The following GRIA4 variants were observed in gnomAD, a reference collection of about 807,000 sequenced individuals.
GRIA4 encodes the protein glutamate ionotropic receptor AMPA type subunit 4.
In GRIA4, 34 loss-of-function variants were observed where a neutral mutation model predicts 104.0. That is an observed-to-expected ratio of 0.33 (90% CI 0.25 to 0.44). The LOEUF (loss-of-function observed/expected upper bound fraction) is 0.44. Among genes scored for constraint, GRIA4 ranks in the 20% least tolerant of loss-of-function variants. The pLI is 1.00. For missense variants in GRIA4, 750 were observed against 1,096.5 expected (o/e 0.68, Z 4.46); for synonymous variants, 386 against 381.9 (o/e 1.01, Z -0.13).
intron 3 of GRIA4, among the ~76,000 whole-genome samples, chr11:105,685,163 AAGGG>A (rs1161569330): frequency 1.8e-3 from 232 of 132,190 alleles, no homozygotes; most frequent in Middle Eastern, 3.7e-3. Context: ...GGGAGGAAGG[AAGGG>A]AGGGAGGGAG....
chr11:105,956,122 T>TA (rs1349979477), intron 14 of GRIA4, among the ~76,000 whole-genome samples: 1 of 151,716 alleles, frequency 6.6e-6, no homozygotes, highest in African/African-American at 2.4e-5. Flanking sequence ...ACTCTTTTTT[T>TA]ATATACATAC....
intron 3 of GRIA4, among the ~76,000 whole-genome samples, chr11:105,684,091 C>T (rs1565461366): frequency 2.6e-5 from 4 of 152,046 alleles, no homozygotes; most frequent in African/African-American, 7.2e-5. Context: ...TTAGGCTGGT[C>T]TCAAACCTCT....
intron 4 of GRIA4, among the ~76,000 whole-genome samples, chr11:105,771,496 A>G (rs1486612994): frequency 6.6e-6 from 1 of 152,056 alleles, no homozygotes; most frequent in Non-Finnish European, 1.5e-5. Context: ...CTGTCTCTAT[A>G]TGAGATCATG....
At chr11:105,646,087 A>G (rs1951519248) in intron 3 of GRIA4, among the ~76,000 whole-genome samples, 1 of 152,176 alleles carries the variant, frequency 6.6e-6, no homozygotes, top group Admixed American at 6.6e-5. Flanking sequence ...ATTGAGGGAA[A>G]CCCATATTAG....
intron 3 of GRIA4, among the ~76,000 whole-genome samples, chr11:105,658,819 AT>A (rs1733327597): frequency 1.3e-5 from 2 of 151,774 alleles, no homozygotes; most frequent in African/African-American, 4.8e-5. Flanking sequence ...TGAACTAATA[AT>A]TTTTTTCTTA....
intron 4 of GRIA4, among the ~76,000 whole-genome samples, chr11:105,823,631 T>C (rs1322735414): frequency 6.6e-6 from 1 of 152,112 alleles, no homozygotes; most frequent in Non-Finnish European, 1.5e-5. Context: ...TTTCTAAGTC[T>C]TGGCATAATG....
intron 16 of GRIA4, chr11:105,974,967 G>A (rs1858902430): frequency 1.2e-5 from 2 of 166,588 alleles, no homozygotes; most frequent in African/African-American, 4.8e-5. Flanking sequence ...CCAGACTGTT[G>A]CCTATTTTTG....
At chr11:105,877,088 C>T (rs528869519) in intron 5 of GRIA4, among the ~76,000 whole-genome samples, 183 of 152,056 alleles carry the variant, frequency 1.2e-3, no homozygotes, top group African/African-American at 4.2e-3. Context: ...TTCAGCAGCT[C>T]TTGTAAGGCA....
At chr11:105,734,645 A>G (rs1243107587) in intron 3 of GRIA4, among the ~76,000 whole-genome samples, 1 of 152,122 alleles carries the variant, frequency 6.6e-6, no homozygotes, top group African/African-American at 2.4e-5. Flanking sequence ...CTTCAGCCTT[A>G]TCACTCACCA....
At chr11:105,909,396 T>A (rs1390036199) in intron 9 of GRIA4, among the ~76,000 whole-genome samples, 3 of 152,162 alleles carry the variant, frequency 2.0e-5, no homozygotes, top group Non-Finnish European at 2.9e-5. Context: ...AAGAAGTTTG[T>A]CACGCATTAA....
chr11:105,907,298 T>C (rs1947074106), intron 9 of GRIA4, among the ~76,000 whole-genome samples: 1 of 152,170 alleles, frequency 6.6e-6, no homozygotes, highest in Non-Finnish European at 1.5e-5. Context: ...ATATGAAGTA[T>C]AAAATGGTGT....
chr11:105,702,385 A>T (rs1953528087), intron 3 of GRIA4, among the ~76,000 whole-genome samples: 1 of 152,122 alleles, frequency 6.6e-6, no homozygotes, highest in East Asian at 1.9e-4. Flanking sequence ...TGGTAAATAT[A>T]AGTGTATGAA....
chr11:105,736,049 T>C (rs375387277), intron 3 of GRIA4, among the ~76,000 whole-genome samples: 210 of 152,324 alleles, frequency 1.4e-3, no homozygotes, highest in African/African-American at 4.7e-3. Flanking sequence ...ATAAATGTTT[T>C]AATTGGTGGC....
At chr11:105,890,714 C>T (rs1468990785) in intron 6 of GRIA4, among the ~76,000 whole-genome samples, 2 of 152,178 alleles carry the variant, frequency 1.3e-5, no homozygotes, top group African/African-American at 4.8e-5. Context: ...AGAGGAGCCA[C>T]AGGGAGCTAA....
intron 5 of GRIA4, among the ~76,000 whole-genome samples, chr11:105,883,166 G>A (rs75106401): frequency 0.091 from 13,758 of 151,774 alleles, 678 homozygotes; most frequent in Non-Finnish European, 0.12. Flanking sequence ...TCTTAAACAC[G>A]TTATTTTGGT....
At position 105,949,552 on chromosome 11, in the gene GRIA4, G is replaced by T. The variant is rs188128972; in HGVS notation, c.2294+15583G>T. ...AATGTATGACTCAAAGGAAATATGA[G>T]TACTCAGATACTAGATCTTATTATT... On this transcript the variant is annotated intron_variant, in intron 14 of 16. Transcript: ENST00000282499. Among the ~76,000 whole-genome samples the T allele has an allele frequency of 1.9e-3, 284 of 152,094 alleles. 2 individuals are homozygous for T. The highest frequency in any genetic ancestry group is 6.6e-3 in the African/African-American group (272 of 41,484).
chr11:105,854,192 G>C (rs1944926281), intron 4 of GRIA4, among the ~76,000 whole-genome samples: 1 of 152,094 alleles, frequency 6.6e-6, no homozygotes. Flanking sequence ...GAGTATATTA[G>C]GTGGTGGTGA....
intron 9 of GRIA4, among the ~76,000 whole-genome samples, chr11:105,909,125 TA>T (rs1565334907): frequency 6.6e-6 from 1 of 152,180 alleles, no homozygotes; most frequent in African/African-American, 2.4e-5. Context: ...GCCGTATTAA[TA>T]AAAAGTCTTT....
intron 3 of GRIA4, among the ~76,000 whole-genome samples, chr11:105,635,262 A>G (rs1951174053): frequency 6.6e-6 from 1 of 152,156 alleles, no homozygotes; most frequent in African/African-American, 2.4e-5. Flanking sequence ...TAACTGCCTA[A>G]GAGTAAAATA....
Sources: allele counts gnomAD v4.1 joint callset (sites outside exome capture counted in the v4.1 genomes callset), GRCh38; gene constraint gnomAD v4.1.1; transcripts MANE v1.5; gene names NCBI Gene and HGNC (gene_info 2026-07-23, HGNC 2026-07-21).